Variants in GLIPR1 observed in about 807,000 individuals in gnomAD.
The protein encoded by GLIPR1 is glioma pathogenesis-related protein 1.
In GLIPR1, 38 loss-of-function variants were observed where a neutral mutation model predicts 30.3. That is an observed-to-expected ratio of 1.26 (90% confidence interval 0.97 to 1.65). The LOEUF (loss-of-function observed/expected upper bound fraction) is 1.65. Ranked by LOEUF, GLIPR1 falls within the 40% of genes most tolerant of loss-of-function variation. The pLI, the probability that GLIPR1 is intolerant of heterozygous loss-of-function variation, is 0.00. For missense variants in GLIPR1, 285 were observed against 326.5 expected (o/e 0.87, Z 0.98); for synonymous variants, 122 against 110.6 (o/e 1.10, Z -0.65).
intron 2 of GLIPR1, 101 bp from the exon 3 acceptor site, chr12:75,490,305 T>A: frequency 1.5e-6 from 1 of 675,676 alleles, no homozygotes; most frequent in South Asian, 1.8e-5. Flanking sequence ...TTTTAAGCAC[T>A]CTAACTAGAG....
intron 2 of GLIPR1, among the ~76,000 whole-genome samples, chr12:75,490,185 T>TAAGA (rs2046313084): frequency 7.9e-6 from 1 of 127,162 alleles, no homozygotes; most frequent in African/African-American, 3.1e-5. Flanking sequence ...CTGTCAAAAA[T>TAAGA]TATCTTATTT....
chr12:75,484,088 AC>A (rs2046283103), intron 2 of GLIPR1: 1 of 152,188 alleles, frequency 6.6e-6, no homozygotes, highest in East Asian at 1.9e-4. Context: ...AAAAAGGAGG[AC>A]TAATATTTTG....
intron 2 of GLIPR1, chr12:75,489,849 C>T (rs1324103846): frequency 6.6e-6 from 1 of 152,526 alleles, no homozygotes; most frequent in African/African-American, 2.4e-5. Flanking sequence ...ACATAGCACT[C>T]ACAAGAATCT....
chr12:75,490,235 C>CA (rs1566097391), intron 2 of GLIPR1, among the ~76,000 whole-genome samples, 171 bp from the exon 3 acceptor site: 6 of 109,630 alleles, frequency 5.5e-5, no homozygotes, highest in Admixed American at 2.0e-4. Context: ...ACACACACAC[C>CA]CCAATAATGG....
In GLIPR1 at chr12:75,502,070, C is replaced by A; in HGVS notation, c.*3092C>A. ...GAGAAGTCATGTCCTAAGCAAGTCA[C>A]AATATCCTTAGGGTAAAAACAATGG... On this transcript the variant is annotated 3_prime_UTR_variant, in exon 6 of 6. Transcript: ENST00000266659. The A allele has an allele frequency of 8.0e-7, 1 of 1,242,900 alleles. No individual in the cohort carries two copies. Among genetic ancestry groups the A allele is most frequent in the Non-Finnish European group, 1.2e-6 (1 of 854,112 alleles). 77.0% of individuals were successfully genotyped at this position (1,242,900 alleles called of 1,614,324 possible).
chr12:75,493,940 G>A lies in GLIPR1; in HGVS notation c.534-1637G>A, dbSNP rs2046336429. The A allele has an allele frequency of 1.3e-5, 2 of 152,112 alleles. 1 individual carries two copies. Among genetic ancestry groups the A allele is most frequent in the Non-Finnish European group, 2.9e-5 (2 of 68,034 alleles). 9.4% of individuals were successfully genotyped at this position (152,112 alleles called of 1,614,324 possible). Reference sequence around the variant, plus strand: ...GAATGCACAACTAAGTATCATAAATGACTTTATTAAAATCATTCTAGAACT... The same window carrying A: ...GAATGCACAACTAAGTATCATAAATAACTTTATTAAAATCATTCTAGAACT... On this transcript the variant is annotated intron_variant, in intron 3 of 5. Transcript: ENST00000266659.
At position 75,502,182 on chromosome 12, in the gene GLIPR1, G is replaced by A. The variant is rs552022578; in HGVS notation, c.*3204G>A. 95 of 556,534 alleles carry A rather than the reference G, an allele frequency of 1.7e-4. No homozygotes were observed. The highest frequency in any genetic ancestry group is 2.5e-4 in the Non-Finnish European group (79 of 314,434). The allele number at this position is 556,534 out of a possible 1,614,324, so 34.5% of individuals were successfully genotyped here. ...GGGAATACATACACAAAAGTGTGGA[G>A]GTAGGAAAGCACCTCCATGGAATAC... On this transcript the variant is annotated 3_prime_UTR_variant, in exon 6 of 6. Transcript: ENST00000266659.
rs1295534500 is a variant in GLIPR1, at chr12:75,502,151, G to A, written c.*3173G>A. 2 of 639,728 alleles carry A rather than the reference G, an allele frequency of 3.1e-6. No individual in the cohort carries two copies. Among genetic ancestry groups the A allele is most frequent in the Non-Finnish European group, 5.5e-6 (2 of 366,212 alleles). The allele number at this position is 639,728 out of a possible 1,614,324, so 39.6% of individuals were successfully genotyped here. A position where few individuals can be genotyped will look rare whatever the true frequency, so the allele number is the denominator to read the frequency against. Reference sequence around the variant, plus strand: ...GTGACATAAAGGAAACAGAGTCTAAGCTGAGGGGAATACATACACAAAAGT... The same window carrying A: ...GTGACATAAAGGAAACAGAGTCTAAACTGAGGGGAATACATACACAAAAGT... On this transcript the variant is annotated 3_prime_UTR_variant, in exon 6 of 6. Transcript: ENST00000266659.
chr12:75,489,519 A>G (rs2046310092), intron 2 of GLIPR1, among the ~76,000 whole-genome samples: 1 of 152,104 alleles, frequency 6.6e-6, no homozygotes, highest in Admixed American at 6.5e-5. Context: ...CAAAATCAAC[A>G]TATTCTGAAC....
Position 75,498,902 on chromosome 12 carries a change from C to T in GLIPR1, c.725C>T (p.Ser242Leu), listed in dbSNP as rs1227336574. 5 of 1,606,736 alleles carry T rather than the reference C, an allele frequency of 3.1e-6. No homozygotes were observed. In the African/African-American group the frequency reaches 6.7e-5, roughly 22 times the overall value. Reference sequence around the variant, plus strand: ...ACTTCTCTCTTTCTCATTGTTAATTCAGTAATTCTAATACTGTCTGTTATA... The same window carrying T: ...ACTTCTCTCTTTCTCATTGTTAATTTAGTAATTCTAATACTGTCTGTTATA... ...RYTSLFLIVN[S>L]VILILSVIIT... The change falls in exon 6 of 6, where the codon TCA becomes TTA. Residue 242 changes from serine (S) to leucine (L), a missense_variant. Coordinates refer to ENST00000266659, the MANE Select transcript of GLIPR1 (RefSeq NM_006851.3).
chr12:75,503,643 A>G lies in GLIPR1; in HGVS notation c.*4665A>G. On this transcript the variant is annotated 3_prime_UTR_variant, in exon 6 of 6. Transcript: ENST00000266659. ...TTGCAGACTAAACGAACTTTTATCC[A>G]TGGAACATTTACAGTGGCTACAGGG... is the stretch of plus-strand genomic sequence containing the variant. The G allele has an allele frequency of 3.5e-6, 1 of 288,468 alleles. No individual in the cohort carries two copies. The allele number at this position is 288,468 out of a possible 1,614,324, so 17.9% of individuals were successfully genotyped here.
chr12:75,481,119 G>A lies in GLIPR1; in HGVS notation c.174+65G>A. The stretch of plus-strand genomic sequence containing the variant: ...AAACAACTAATGTGTATTGACTTTG[G>A]TGTTAATACCTTCGTAATACTGAAT... On this transcript the variant is annotated intron_variant, in intron 1 of 5. Coordinates refer to ENST00000266659, the MANE Select transcript of GLIPR1 (RefSeq NM_006851.3). The A allele has an allele frequency of 2.5e-6, 3 of 1,208,394 alleles. No individual in the cohort carries two copies. The South Asian group carries it at 4.1e-5, about 17-fold the overall frequency. 74.9% of individuals were successfully genotyped at this position (1,208,394 alleles called of 1,614,324 possible).
intron 2 of GLIPR1, chr12:75,483,401 A>G (rs2046280254): frequency 6.6e-6 from 1 of 152,202 alleles, no homozygotes; most frequent in Non-Finnish European, 1.5e-5. Flanking sequence ...TATAACAGGC[A>G]CTAGTGATAT....
At chr12:75,496,671 G>C (rs572035401) in intron 4 of GLIPR1, 1 of 152,110 alleles carries the variant, frequency 6.6e-6, no homozygotes, top group African/African-American at 2.4e-5. Context: ...CAGAGCAGCC[G>C]GGCTAGAGTA....
chr12:75,490,293 G>A lies in GLIPR1; in HGVS notation c.421-113G>A, dbSNP rs745767448. On this transcript the variant is annotated intron_variant, in intron 2 of 5. Transcript: ENST00000266659. ...ATTTCTGAGTATCTAAACCTTCCTG[G>A]GTTTTAAGCACTCTAACTAGAGTGG... The A allele has an allele frequency of 4.1e-4, 251 of 618,170 alleles. 1 individual carries two copies. Among genetic ancestry groups the A allele is most frequent in the Non-Finnish European group, 6.0e-4 (212 of 350,838 alleles). The allele number at this position is 618,170 out of a possible 1,614,324, so 38.3% of individuals were successfully genotyped here.
rs189737630 is a variant in GLIPR1 at position 75,493,457 on chromosome 12, C to T, written c.534-2120C>T. On this transcript the variant is annotated intron_variant, in intron 3 of 5. Coordinates refer to ENST00000266659, the MANE Select transcript of GLIPR1 (RefSeq NM_006851.3). Reference sequence around the variant, plus strand: ...CAGTTGCCTGTAATACTCTCCTCTTCATTTCCCCTGGGCACCATGAACAAG... The same window carrying T: ...CAGTTGCCTGTAATACTCTCCTCTTTATTTCCCCTGGGCACCATGAACAAG... 11 of 152,300 alleles carry T rather than the reference C, an allele frequency of 7.2e-5. No homozygotes were observed. The East Asian group carries it at 1.4e-3, about 19-fold the overall frequency. 9.4% of individuals were successfully genotyped at this position (152,300 alleles called of 1,614,324 possible).
At chr12:75,488,081 G>A (rs1456182089) in intron 2 of GLIPR1, among the ~76,000 whole-genome samples, 1 of 152,158 alleles carries the variant, frequency 6.6e-6, no homozygotes, top group Non-Finnish European at 1.5e-5. Flanking sequence ...CTTGGTTTTG[G>A]TGGGTTTTAG....
At position 75,481,882 on chromosome 12, in the gene GLIPR1, T is replaced by C. The variant is rs759656765; in HGVS notation, c.223T>C (p.Cys75Arg). The C allele has an allele frequency of 1.9e-6, 3 of 1,614,108 alleles. No homozygotes were observed. The highest frequency in any genetic ancestry group is 2.5e-6 in the Non-Finnish European group (3 of 1,179,980). The change falls in exon 2 of 6, where the codon TGC becomes CGC. Residue 75 changes from cysteine (C) to arginine (R), a missense_variant. Coordinates refer to ENST00000266659, the MANE Select transcript of GLIPR1 (RefSeq NM_006851.3). Reference protein sequence around the residue: ...AQIAKAWASNCQFSHNTRLKP... With the variant: ...AQIAKAWASNRQFSHNTRLKP... ...AATTGCAAAAGCATGGGCCAGCAATTGCCAGTTTTCACATAATACACGGCT... is the reference window on the plus strand; with the variant it reads ...AATTGCAAAAGCATGGGCCAGCAATCGCCAGTTTTCACATAATACACGGCT...
chr12:75,481,636 G>T (rs372186584), intron 1 of GLIPR1, among the ~76,000 whole-genome samples, 198 bp from the exon 2 acceptor site: 3 of 152,076 alleles, frequency 2.0e-5, no homozygotes, highest in Admixed American at 6.5e-5. Context: ...TCCTCACTTA[G>T]ATTCTAAATT....
Sources: gnomAD v4.1 joint callset for allele counts (sites outside exome capture counted in the v4.1 genomes callset) on GRCh38, gnomAD v4.1.1 for gene constraint, MANE v1.5 for transcripts, NCBI Gene and HGNC (gene_info 2026-07-23, HGNC 2026-07-21) for gene names.